Variants in TRPC5 observed in about 807,000 individuals in gnomAD.
TRPC5 encodes short transient receptor potential channel 5.
In TRPC5, 9 loss-of-function variants were observed where a neutral mutation model predicts 56.5. The ratio of observed to expected loss-of-function variants is 0.16; its 90% CI spans 0.10 to 0.28. TRPC5 has a LOEUF of 0.28. Among genes scored for constraint, TRPC5 ranks in the 10% least tolerant of loss-of-function variants. The pLI, the probability that TRPC5 is intolerant of heterozygous loss-of-function variation, is 1.00. For synonymous variants in TRPC5, 282 were observed against 278.5 expected (o/e 1.01, Z -0.13); for missense variants, 469 against 748.9 (o/e 0.63, Z 4.36).
At chrX:111,863,176 GA>G (rs199673002) in intron 3 of TRPC5, among the ~76,000 whole-genome samples, 295 of 111,043 alleles carry the variant, frequency 2.7e-3, no homozygotes, top group African/African-American at 8.9e-3. Flanking sequence ...GAACATAGGG[GA>G]AAAAAAATCG....
At chrX:112,038,095 CAT>C (rs1361026175) in intron 1 of TRPC5, among the ~76,000 whole-genome samples, 1 of 111,348 alleles carries the variant, frequency 9.0e-6, no homozygotes, top group Non-Finnish European at 1.9e-5. Context: ...GATGCAAAAT[CAT>C]AGTCTTCCAC....
chrX:112,008,549 A>C (rs1458799266), intron 1 of TRPC5, among the ~76,000 whole-genome samples: 1 of 108,318 alleles, frequency 9.2e-6, no homozygotes, highest in East Asian at 2.9e-4. Flanking sequence ...GCAGTGAGCC[A>C]AGATTACGCC....
At position 111,852,457 on chromosome X, in the gene TRPC5, A is replaced by G; in HGVS notation, c.1238-20T>C. ...TGAAACCTGAAGAATGGAGGAAAAC[A>G]GTTTATTTCTACATAGGGTCAGCCC... On this transcript the variant is annotated intron_variant, in intron 4 of 10. Transcript: ENST00000262839. 2.5e-6 allele frequency: 3 copies of G among 1,198,152 alleles called. No individual in the cohort carries two copies. Among genetic ancestry groups the G allele is most frequent in the South Asian group, 1.9e-5 (1 of 53,658 alleles).
chrX:111,944,303 T>TGTGTGTGTGTGAAAGAGAGAGAGA lies in TRPC5; in HGVS notation c.378+7739_378+7740insTCTCTCTCTCTTTCACACACACAC, dbSNP rs1173179815. Reference sequence around the variant, plus strand: ...GTGTGTGTGTGTGTGTGTGTGTGTGTGAGAGAGAGAGAGAGAGAGAGAGAG... The same window carrying TGTGTGTGTGTGAAAGAGAGAGAGA: ...GTGTGTGTGTGTGTGTGTGTGTGTGTGTGTGTGTGTGAAAGAGAGAGAGAGAGAGAGAGAGAGAGAGAGAGAGAG... On this transcript the variant is annotated intron_variant, in intron 2 of 10. Transcript: ENST00000262839. Among the ~76,000 whole-genome samples, 23 of 61,365 alleles carry TGTGTGTGTGTGAAAGAGAGAGAGA rather than the reference T, an allele frequency of 3.7e-4. 1 individual carries two copies. The highest frequency in any genetic ancestry group is 2.4e-3 in the African/African-American group (23 of 9,467). 53.3% of individuals were successfully genotyped at this position (61,365 alleles called of 115,157 possible). A position where few individuals can be genotyped will look rare whatever the true frequency, so the allele number is the denominator to read the frequency against.
intron 3 of TRPC5, among the ~76,000 whole-genome samples, chrX:111,875,572 C>CTTTTTTTTTTTTTTTTTTTTTTT (rs771241425): frequency 1.4e-5 from 1 of 70,491 alleles, no homozygotes; most frequent in Admixed American, 1.5e-4. Flanking sequence ...TTTTTTCTTT[C>CTTTTTTTTTTTTTTTTTTTTTTT]TTTTTTTTTT....
intron 3 of TRPC5, among the ~76,000 whole-genome samples, chrX:111,858,263 A>C (rs1420417295): frequency 9.0e-6 from 1 of 111,599 alleles, no homozygotes; most frequent in East Asian, 2.8e-4. Flanking sequence ...ACGCCTCAGA[A>C]AGAAGAATTA....
intron 7 of TRPC5, among the ~76,000 whole-genome samples, chrX:111,784,706 C>T (rs1300681865): frequency 1.8e-5 from 2 of 112,431 alleles, no homozygotes; most frequent in African/African-American, 6.5e-5. Context: ...AAAAACAGGA[C>T]ACTCCCACCC....
chrX:111,895,389 T>C (rs1002431418), intron 3 of TRPC5, among the ~76,000 whole-genome samples: 8 of 112,184 alleles, frequency 7.1e-5, no homozygotes, highest in African/African-American at 2.6e-4. Flanking sequence ...ATTATGTTTT[T>C]CGTATTGATT....
intron 1 of TRPC5, among the ~76,000 whole-genome samples, chrX:112,027,787 C>T (rs1179925499): frequency 4.5e-5 from 5 of 112,181 alleles, no homozygotes; most frequent in South Asian, 3.8e-4. Context: ...TGAGCCACCG[C>T]GCCTGGCCGA....
rs1945867956 is a variant in TRPC5 at position 111,775,175 on chromosome X, ATATC to A, written c.*1134_*1137del. On this transcript the variant is annotated 3_prime_UTR_variant, in exon 11 of 11. Coordinates refer to ENST00000262839, the MANE Select transcript of TRPC5 (RefSeq NM_012471.3). ...GAATCCACTAGGGTTGTTATGATAT[ATATC>A]TAACATAATTTACACATGCAATTCC... 8.9e-6 allele frequency: 1 copy of A among 111,807 alleles called. No homozygotes were observed. The highest frequency in any genetic ancestry group is 1.9e-5 in the Non-Finnish European group (1 of 53,184). The allele number at this position is 111,807 out of a possible 1,213,427, so 9.2% of individuals were successfully genotyped here. A position where few individuals can be genotyped will look rare whatever the true frequency, so the allele number is the denominator to read the frequency against.
chrX:111,837,656 C>T (rs1569526215), intron 6 of TRPC5, among the ~76,000 whole-genome samples: 1 of 111,307 alleles, frequency 9.0e-6, no homozygotes, highest in Non-Finnish European at 1.9e-5. Context: ...ATAGATGTTA[C>T]CTTCACCTCT....
chrX:111,808,223 T>C (rs1278041605), intron 7 of TRPC5, among the ~76,000 whole-genome samples: 1 of 110,402 alleles, frequency 9.1e-6, no homozygotes, highest in Non-Finnish European at 1.9e-5. Flanking sequence ...GGGTGGTAAG[T>C]TCCCCCAGTC....
intron 1 of TRPC5, among the ~76,000 whole-genome samples, chrX:112,001,684 C>G (rs1928700588): frequency 9.0e-6 from 1 of 111,586 alleles, no homozygotes; most frequent in African/African-American, 3.3e-5. Flanking sequence ...TCACTTGAAC[C>G]TGGGAGTCGG....
intron 1 of TRPC5, among the ~76,000 whole-genome samples, chrX:112,014,925 C>T (rs1160409147): frequency 9.0e-6 from 1 of 111,540 alleles, no homozygotes; most frequent in Non-Finnish European, 1.9e-5. Flanking sequence ...AGGAGTAAGA[C>T]CTGGGCATCA....
intron 1 of TRPC5, among the ~76,000 whole-genome samples, chrX:112,066,256 C>T (rs1930581188): frequency 9.0e-6 from 1 of 110,553 alleles, no homozygotes; most frequent in African/African-American, 3.3e-5. Flanking sequence ...GCTCCTGTCT[C>T]AAACTATTGC....
At chrX:111,869,133 T>C (rs1322786734) in intron 3 of TRPC5, among the ~76,000 whole-genome samples, 1 of 110,016 alleles carries the variant, frequency 9.1e-6, no homozygotes, top group Non-Finnish European at 1.9e-5. Flanking sequence ...AGTCATACTT[T>C]CATTAAGCAG....
At chrX:111,953,059 C>T (rs1432849712) in intron 1 of TRPC5, among the ~76,000 whole-genome samples, 1 of 111,894 alleles carries the variant, frequency 8.9e-6, no homozygotes. Context: ...GTCCCACATG[C>T]ACATCCTGGA....
At chrX:111,995,977 A>C (rs1277070277) in intron 1 of TRPC5, among the ~76,000 whole-genome samples, 1 of 105,868 alleles carries the variant, frequency 9.4e-6, no homozygotes, top group East Asian at 3.0e-4. Context: ...GTGTGTCTCT[A>C]TCTCTTTCAC....
intron 7 of TRPC5, 23 bp downstream of exon 7, chrX:111,834,898 G>A (rs761957967): frequency 8.6e-6 from 10 of 1,163,100 alleles, no homozygotes; most frequent in South Asian, 4.1e-5. Flanking sequence ...AAGTAAGCAC[G>A]CTTGTAAAGC....
Sources: gnomAD v4.1 joint callset for allele counts (sites outside exome capture counted in the v4.1 genomes callset) on GRCh38, gnomAD v4.1.1 for gene constraint, MANE v1.5 for transcripts, NCBI Gene and HGNC (gene_info 2026-07-23, HGNC 2026-07-21) for gene names.